Variants in P3H1 observed in about 807,000 individuals in gnomAD.
P3H1 encodes prolyl 3-hydroxylase 1.
A neutral mutation model predicts 84.0 loss-of-function variants in P3H1; 69 were observed. The ratio of observed to expected loss-of-function variants is 0.82; its 90% CI spans 0.68 to 1.00. The LOEUF is 1.00. Among genes scored for constraint, P3H1 ranks in the 50% least tolerant of loss-of-function variants. The probability of loss-of-function intolerance (pLI) is 0.00; values close to 1 mark genes in which losing one functional copy is unlikely to be tolerated. For synonymous variants in P3H1, 366 were observed against 388.8 expected, an observed-to-expected ratio of 0.94 and a Z score of 0.69; for missense variants, 878 against 962.8, an observed-to-expected ratio of 0.91 and a Z score of 1.17.
intron 13 of P3H1, 90 bp from the exon 14 acceptor site, chr1:42,747,502 C>T (rs944573618): frequency 4.0e-5 from 53 of 1,325,870 alleles, no homozygotes; most frequent in Non-Finnish European, 4.8e-5. Flanking sequence ...GGCTCACGAC[C>T]GAGGGCAGCT....
intron 1 of P3H1, among the ~76,000 whole-genome samples, chr1:42,765,308 T>C (rs546373111): frequency 2.0e-5 from 3 of 152,344 alleles, no homozygotes; most frequent in Admixed American, 6.5e-5. Context: ...TACCTCTTCT[T>C]TGAAGTCTAA....
At position 42,758,848 on chromosome 1, in the gene P3H1, T is replaced by C; in HGVS notation, c.940+4A>G. 6.2e-7 allele frequency: 1 copy of C among 1,614,144 alleles called. No homozygotes were observed. Among genetic ancestry groups the C allele is most frequent in the East Asian group, 2.2e-5 (1 of 44,874 alleles). On this transcript the variant is annotated splice_donor_region_variant and intron_variant, in intron 4 of 14. Transcript: ENST00000296388. The stretch of plus-strand genomic sequence containing the variant: ...AGAGAAAGAGGAAGGAAAGTAGGCC[T>C]TACTGTTATAGTAGGCAAACTGCAG...
At position 42,757,827 on chromosome 1, in the gene P3H1, C is replaced by G; in HGVS notation, c.1036G>C (p.Ala346Pro). ...CTGGTGTGTTCTTCTCCAAGCATAG[C>G]TGCATAATAGGCCAAATTTTGGTTC... ...VMNQNLAYYA[A>P]MLGEEHTRSI... Residue 346 changes from alanine to proline, a missense_variant, in exon 5 of 15, where the codon GCT becomes CCT. By Grantham distance (27) the Ala-to-Pro change is conservative. Coordinates refer to ENST00000296388, the MANE Select transcript of P3H1 (RefSeq NM_022356.4). 6.2e-7 allele frequency: 1 copy of G among 1,614,234 alleles called. No homozygotes were observed. Among genetic ancestry groups the G allele is most frequent in the Non-Finnish European group, 8.5e-7 (1 of 1,180,046 alleles).
In P3H1 at chr1:42,755,652, GC is replaced by G; in HGVS notation, c.1081-16del. 6.2e-7 allele frequency: 1 copy of G among 1,601,432 alleles called. No individual in the cohort carries two copies. Among genetic ancestry groups the G allele is most frequent in the Non-Finnish European group, 8.6e-7 (1 of 1,168,670 alleles). On this transcript the variant is annotated splice_polypyrimidine_tract_variant and intron_variant, in intron 5 of 14. Transcript: ENST00000296388. ...TCCTTGGCACTCTGAGGGTAAAAAA[GC>G]AAACAAATCCCCCAGAACTCAGCCC...
chr1:42,755,442 C>G, intron 6 of P3H1, 106 bp downstream of exon 6: 2 of 1,114,576 alleles, frequency 1.8e-6, no homozygotes, highest in Non-Finnish European at 1.4e-6. Flanking sequence ...TAGGCTCAGC[C>G]TCCAGCAAGT....
At position 42,752,525 on chromosome 1, in the gene P3H1, G is replaced by A. The variant is rs1652166346; in HGVS notation, c.1473+12C>T. ...CCCTTGGGGGAAGGTGCAGTCACTGGGCTTCCCTTACATTGGTCAGTCTCT... is the reference window on the plus strand; with the variant it reads ...CCCTTGGGGGAAGGTGCAGTCACTGAGCTTCCCTTACATTGGTCAGTCTCT... On this transcript the variant is annotated intron_variant, in intron 9 of 14. Transcript: ENST00000296388. 6.2e-7 allele frequency: 1 copy of A among 1,614,038 alleles called. No homozygotes were observed.
Position 42,750,400 on chromosome 1 carries a change from C to G in P3H1, c.1570-64G>C. 3 of 1,578,464 alleles carry G rather than the reference C, an allele frequency of 1.9e-6. No homozygotes were observed. In the South Asian group the frequency reaches 3.4e-5, roughly 18 times the overall value. On this transcript the variant is annotated intron_variant, in intron 10 of 14. Coordinates refer to ENST00000296388, the MANE Select transcript of P3H1 (RefSeq NM_022356.4). Reference sequence around the variant, plus strand: ...GATATGGTTTGGCTCTGTGTCCCTACCCAAATCTTATCTTGTAGTTCCCAT... The same window carrying G: ...GATATGGTTTGGCTCTGTGTCCCTAGCCAAATCTTATCTTGTAGTTCCCAT...
intron 10 of P3H1, among the ~76,000 whole-genome samples, chr1:42,750,851 T>A (rs1652025353): frequency 7.2e-6 from 1 of 138,880 alleles, no homozygotes; most frequent in African/African-American, 2.7e-5. Context: ...CCAGCCGCCC[T>A]ATCCAGGAGG....
At chr1:42,755,345 G>A (rs567634105) in intron 6 of P3H1, 128 bp from the exon 7 acceptor site, 44 of 1,043,234 alleles carry the variant, frequency 4.2e-5, no homozygotes, top group Admixed American at 5.8e-5. Context: ...GAGACAAAAT[G>A]GGAGGTTTCC....
intron 5 of P3H1, among the ~76,000 whole-genome samples, chr1:42,757,197 C>G (rs184715273): frequency 1.3e-5 from 2 of 152,180 alleles, no homozygotes; most frequent in African/African-American, 4.8e-5. Flanking sequence ...ACAACCCACA[C>G]AGGAGGGGCA....
In P3H1 at chr1:42,762,466, A is replaced by T. The variant is rs1172285362; in HGVS notation, c.475T>A (p.Leu159Met). The part of the protein sequence containing the change: ...LQVAYFKINK[L>M]EKAVAAAHTF... ...TGTGCTGCAGCAACAGCTTTCTCCAACTTGTTGATCTAAGAATGAAGCATG... is the reference window on the plus strand; with the variant it reads ...TGTGCTGCAGCAACAGCTTTCTCCATCTTGTTGATCTAAGAATGAAGCATG... Residue 159 changes from leucine to methionine, a missense_variant, in exon 2 of 15, where the codon TTG (leucine) becomes ATG (methionine). By Grantham distance (15) the Leu-to-Met change is conservative (BLOSUM62 2). Transcript: ENST00000296388. The T allele has an allele frequency of 6.2e-7, 1 of 1,613,970 alleles. No individual in the cohort carries two copies. The highest frequency in any genetic ancestry group is 2.2e-5 in the East Asian group (1 of 44,894).
At chr1:42,763,628 C>A (rs1557577669) in intron 1 of P3H1, among the ~76,000 whole-genome samples, 1 of 123,068 alleles carries the variant, frequency 8.1e-6, no homozygotes, top group Non-Finnish European at 1.6e-5. Context: ...GCCGAGATCA[C>A]AGCACCATAC....
chr1:42,756,205 CT>C (rs368833358), intron 5 of P3H1, among the ~76,000 whole-genome samples: 3 of 151,996 alleles, frequency 2.0e-5, no homozygotes, highest in East Asian at 1.9e-4. Context: ...TTATCTTTTT[CT>C]TTTTTTTCAT....
At chr1:42,763,391 G>T (rs867141734) in intron 1 of P3H1, among the ~76,000 whole-genome samples, 6 of 152,056 alleles carry the variant, frequency 3.9e-5, no homozygotes, top group Middle Eastern at 3.4e-3. Context: ...TGAGGGGGTG[G>T]TCGGGGGCGG....
At chr1:42,748,178 C>T (rs995662235) in intron 12 of P3H1, 22 bp downstream of exon 12, 1 of 1,582,480 alleles carries the variant, frequency 6.3e-7, no homozygotes, top group South Asian at 1.1e-5. Flanking sequence ...ACCTCCTCAC[C>T]CTGCACCTGC....
Position 42,757,803 on chromosome 1 carries a change from T to C in P3H1, c.1060A>G (p.Arg354Gly). 6.2e-7 allele frequency: 1 copy of C among 1,614,240 alleles called. No individual in the cohort carries two copies. The highest frequency in any genetic ancestry group is 8.5e-7 in the Non-Finnish European group (1 of 1,180,034). ...CTCACCTCACGGGGGCCGATGGATCTGGTGTGTTCTTCTCCAAGCATAGCT... is the reference window on the plus strand; with the variant it reads ...CTCACCTCACGGGGGCCGATGGATCCGGTGTGTTCTTCTCCAAGCATAGCT... ...YAAMLGEEHT[R>G]SIGPRESAKE... Residue 354 changes from arginine (R) to glycine (G), a missense_variant, in exon 5 of 15, where the codon AGA (arginine) becomes GGA (glycine). Physicochemically the swap from Arg to Gly is moderately radical, Grantham distance 125 (BLOSUM62 -2). Transcript: ENST00000296388.
chr1:42,757,326 G>A (rs572943552), intron 5 of P3H1, among the ~76,000 whole-genome samples: 1 of 152,300 alleles, frequency 6.6e-6, no homozygotes, highest in Non-Finnish European at 1.5e-5. Context: ...GTTTTGGAGA[G>A]AGACAGGGAA....
At position 42,754,604 on chromosome 1, in the gene P3H1, C is replaced by G. The variant is rs1355752897; in HGVS notation, c.1345+265G>C. ...CTGGGCTCAAGCGATCCTCCTGCCT[C>G]AGCCTGCCAAGTAGCTGGGATTACG... On this transcript the variant is annotated intron_variant, in intron 8 of 14. Coordinates refer to ENST00000296388, the MANE Select transcript of P3H1 (RefSeq NM_022356.4). This position sits in a 1 kb window ranked among gnomAD's most constrained non-coding sequence, Gnocchi z 4.0. Among the ~76,000 whole-genome samples the G allele has an allele frequency of 6.6e-6, 1 of 152,126 alleles. No homozygotes were observed. The highest frequency in any genetic ancestry group is 1.5e-5 in the Non-Finnish European group (1 of 68,026).
chr1:42,751,136 G>A (rs1307267725), intron 10 of P3H1, among the ~76,000 whole-genome samples: 4 of 138,708 alleles, frequency 2.9e-5, no homozygotes, highest in African/African-American at 1.1e-4. Flanking sequence ...AGGCGGGAAG[G>A]GTGGGGAAAA....
Sources: allele counts gnomAD v4.1 joint callset (sites outside exome capture counted in the v4.1 genomes callset), GRCh38; gene constraint gnomAD v4.1.1; non-coding constraint Gnocchi (gnomAD v3.1); transcripts MANE v1.5; gene names NCBI Gene and HGNC (gene_info 2026-07-23, HGNC 2026-07-21).